Variants in ALPK1 observed in about 807,000 individuals in gnomAD.
ALPK1 encodes the protein alpha kinase 1.
In ALPK1, 110 loss-of-function variants were observed where a neutral mutation model predicts 120.6. That is an observed-to-expected ratio of 0.91 (90% CI 0.78 to 1.07). The LOEUF (loss-of-function observed/expected upper bound fraction) is 1.07. ALPK1 is among the 50% of genes least tolerant of loss of function. The pLI is 0.00. For missense variants in ALPK1, 1,498 were observed against 1,483.9 expected (o/e 1.01, Z -0.16); for synonymous variants, 582 against 560.3 (o/e 1.04, Z -0.55).
chr4:112,394,363 A>G (rs1269089609), intron 4 of ALPK1, among the ~76,000 whole-genome samples: 2 of 152,232 alleles, frequency 1.3e-5, no homozygotes, highest in Non-Finnish European at 2.9e-5. Context: ...TCAATAATCA[A>G]CATTTAAAAC....
At chr4:112,367,568 C>T (rs929660557) in intron 2 of ALPK1, among the ~76,000 whole-genome samples, 16 of 152,048 alleles carry the variant, frequency 1.1e-4, no homozygotes, top group African/African-American at 3.6e-4. Context: ...ACTACTACAC[C>T]ATTTTATATA....
At chr4:112,390,407 C>A (rs1037114061) in intron 4 of ALPK1, among the ~76,000 whole-genome samples, 3 of 152,192 alleles carry the variant, frequency 2.0e-5, no homozygotes, top group African/African-American at 7.2e-5. Context: ...TAAGGTATCA[C>A]CTTTTCAAAG....
At chr4:112,357,356 G>A (rs903814980) in intron 2 of ALPK1, 7 of 732,032 alleles carry the variant, frequency 9.6e-6, no homozygotes, top group Admixed American at 2.4e-5. Flanking sequence ...GAATGGCCCT[G>A]GTTCCCTGGC....
At chr4:112,383,515 C>G (rs1246801345) in intron 4 of ALPK1, 1 of 152,046 alleles carries the variant, frequency 6.6e-6, no homozygotes, top group East Asian at 1.9e-4. Context: ...AACAGTAAAA[C>G]CCCAGCTCTC....
intron 2 of ALPK1, among the ~76,000 whole-genome samples, chr4:112,348,971 A>C (rs1560647491): frequency 6.6e-6 from 1 of 152,168 alleles, no homozygotes. Flanking sequence ...TTCAGGGCGC[A>C]CTTCTCTGAC....
At chr4:112,359,989 A>G (rs1457797804) in intron 2 of ALPK1, among the ~76,000 whole-genome samples, 1 of 152,178 alleles carries the variant, frequency 6.6e-6, no homozygotes, top group Non-Finnish European at 1.5e-5. Flanking sequence ...GTTATTAACT[A>G]TAGTCACCAG....
At chr4:112,346,190 C>T (rs948816448) in intron 2 of ALPK1, among the ~76,000 whole-genome samples, 1 of 152,162 alleles carries the variant, frequency 6.6e-6, no homozygotes, top group Non-Finnish European at 1.5e-5. Flanking sequence ...AATATAACCA[C>T]ACTACTTTTA....
At chr4:112,339,614 A>G (rs904377549) in intron 2 of ALPK1, among the ~76,000 whole-genome samples, 1 of 152,190 alleles carries the variant, frequency 6.6e-6, no homozygotes, top group African/African-American at 2.4e-5. Context: ...TGTTTTAACT[A>G]AAAAAATACA....
At chr4:112,441,127 T>A (rs757401259) in intron 15 of ALPK1, 22 bp downstream of exon 15, 8 of 1,613,934 alleles carry the variant, frequency 5.0e-6, no homozygotes, top group Non-Finnish European at 4.2e-6. Context: ...GCTGTATGGA[T>A]TGGTAATGTG....
At chr4:112,400,219 A>G (rs1732845965) in intron 4 of ALPK1, among the ~76,000 whole-genome samples, 1 of 152,196 alleles carries the variant, frequency 6.6e-6, no homozygotes, top group South Asian at 2.1e-4. Flanking sequence ...TATCCGGGGG[A>G]AATTAATGAT....
In ALPK1 at chr4:112,332,937, C is replaced by G. The variant is rs571887148; in HGVS notation, c.-101+17085C>G. On this transcript the variant is annotated intron_variant, in intron 2 of 15. Transcript: ENST00000650871. ...CACTTTGGGGAATGCTAAAAGGAAG[C>G]CTTTTGATGCACTTTCAAAGAACTT... is the stretch of plus-strand genomic sequence containing the variant. Among the ~76,000 whole-genome samples, 7 of 152,232 alleles carry G rather than the reference C, an allele frequency of 4.6e-5. No individual in the cohort carries two copies. The South Asian group carries it at 1.5e-3, about 32-fold the overall frequency.
At chr4:112,307,683 G>T (rs1188176562) in intron 1 of ALPK1, among the ~76,000 whole-genome samples, 1 of 151,942 alleles carries the variant, frequency 6.6e-6, no homozygotes, top group South Asian at 2.1e-4. Flanking sequence ...CACACTGATG[G>T]GTCTTGACTC....
chr4:112,328,659 C>G (rs76179200), intron 2 of ALPK1, among the ~76,000 whole-genome samples: 1 of 152,196 alleles, frequency 6.6e-6, no homozygotes, highest in East Asian at 1.9e-4. Context: ...TGTGTAATCT[C>G]TATGCCTTAC....
chr4:112,315,367 T>A (rs1358365364), intron 1 of ALPK1, among the ~76,000 whole-genome samples: 2 of 151,446 alleles, frequency 1.3e-5, no homozygotes, highest in Non-Finnish European at 2.9e-5. Flanking sequence ...ACCCCAGAGG[T>A]TTTTCAACAA....
rs184567750 is a variant in ALPK1, at chr4:112,432,128, A to G, written c.2581A>G (p.Met861Val). ...VDEEGQLLDS[M>V]DVPCTNGHGS... is the part of the protein sequence containing the mutation. Reference sequence around the variant, plus strand: ...TGAGGAGGGGCAACTGCTCGACAGCATGGATGTTCCCTGCACAAATGGGCA... The same window carrying G: ...TGAGGAGGGGCAACTGCTCGACAGCGTGGATGTTCCCTGCACAAATGGGCA... The change falls in exon 11 of 16, where the codon ATG becomes GTG. Residue 861 changes from methionine (M) to valine (V), a missense_variant. Met to Val is a conservative substitution (Grantham distance 21). Transcript: ENST00000650871. 21 of 1,614,192 alleles carry G rather than the reference A, an allele frequency of 1.3e-5. No individual in the cohort carries two copies. The Admixed American group carries it at 1.3e-4, about 10-fold the overall frequency.
rs757965303 is a variant in ALPK1, at chr4:112,439,831, A to G, written c.3497A>G (p.Tyr1166Cys). The G allele has an allele frequency of 1.9e-5, 31 of 1,610,890 alleles. No individual in the cohort carries two copies. The highest frequency in any genetic ancestry group is 2.6e-5 in the Non-Finnish European group (31 of 1,179,266). Residue 1166 changes from tyrosine to cysteine, a missense_variant, in exon 14 of 16, where the codon TAT becomes TGT. Transcript: ENST00000650871. ...EYGLAYGHFS[Y>C]EFSNHRDVVV... ...GGCTTGGCCTATGGCCATTTTTCTT[A>G]TGAGTTTTCTAATCATAGAGATGTT...
chr4:112,323,000 G>A (rs1728928101), intron 2 of ALPK1, among the ~76,000 whole-genome samples: 1 of 152,154 alleles, frequency 6.6e-6, no homozygotes, highest in Non-Finnish European at 1.5e-5. Context: ...CATCAGCCCA[G>A]CCACAGCCAC....
Position 112,351,096 on chromosome 4 carries a change from C to T in ALPK1, c.-100-26582C>T, listed in dbSNP as rs1730333519. 1.3e-5 allele frequency among the ~76,000 whole-genome samples: 2 copies of T among 152,192 alleles called. 1 individual carries two copies. The highest frequency in any genetic ancestry group is 2.9e-5 in the Non-Finnish European group (2 of 68,032). ...AGGCTAATAGTTCGTCAGATGTCAC[C>T]ATGGCTGATGGAGTGGGTAACTGTA... is the stretch of plus-strand genomic sequence containing the variant. On this transcript the variant is annotated intron_variant, in intron 2 of 15. Transcript: ENST00000650871.
chr4:112,330,037 C>G (rs767405667), intron 2 of ALPK1, among the ~76,000 whole-genome samples: 22 of 152,226 alleles, frequency 1.4e-4, no homozygotes, highest in Non-Finnish European at 1.5e-4. Context: ...CCAATGTAAG[C>G]AAAAGTTAAA....
Sources: allele counts gnomAD v4.1 joint callset (sites outside exome capture counted in the v4.1 genomes callset), GRCh38; gene constraint gnomAD v4.1.1; transcripts MANE v1.5; gene names NCBI Gene and HGNC (gene_info 2026-07-23, HGNC 2026-07-21).